The following CNTNAP2 variants were observed in gnomAD, a reference collection of about 807,000 sequenced individuals.
CNTNAP2 encodes contactin-associated protein-like 2.
In CNTNAP2, 98 loss-of-function variants were observed where a neutral mutation model predicts 155.2. That is an observed-to-expected ratio of 0.63 (90% CI 0.54 to 0.75). CNTNAP2 has a LOEUF of 0.75. CNTNAP2 is among the 30% of genes least tolerant of loss of function. The pLI, the probability that CNTNAP2 is intolerant of heterozygous loss-of-function variation, is 0.00. For missense variants in CNTNAP2, 1,727 were observed against 1,688.1 expected (o/e 1.02, Z -0.40); for synonymous variants, 651 against 631.2 (o/e 1.03, Z -0.47).
At chr7:146,176,411 C>T (rs183131269) in intron 1 of CNTNAP2, among the ~76,000 whole-genome samples, 1 of 152,230 alleles carries the variant, frequency 6.6e-6, no homozygotes, top group East Asian at 1.9e-4. Flanking sequence ...ATTTAGCTTT[C>T]AGAAGATCAA....
chr7:147,225,125 A>G (rs138241865), intron 8 of CNTNAP2, among the ~76,000 whole-genome samples: 1 of 152,282 alleles, frequency 6.6e-6, no homozygotes, highest in African/African-American at 2.4e-5. Context: ...TGTGTTTACC[A>G]TGTCCTAAGG....
intron 16 of CNTNAP2, among the ~76,000 whole-genome samples, chr7:148,141,296 A>G (rs1391667372): frequency 4.6e-5 from 7 of 152,262 alleles, no homozygotes; most frequent in African/African-American, 7.2e-5. Context: ...TGGGCAAGCC[A>G]TTAGTCCTCA....
chr7:146,534,591 A>G (rs1266269636), intron 1 of CNTNAP2, among the ~76,000 whole-genome samples: 1 of 152,100 alleles, frequency 6.6e-6, no homozygotes, highest in Non-Finnish European at 1.5e-5. Flanking sequence ...ACGGGGAAAT[A>G]AGAACAACAG....
chr7:147,124,250 A>G (rs1244410965), intron 6 of CNTNAP2, among the ~76,000 whole-genome samples: 1 of 152,174 alleles, frequency 6.6e-6, no homozygotes, highest in African/African-American at 2.4e-5. Context: ...AAAGGAAGAG[A>G]AAGCTCGTCT....
At chr7:147,472,204 C>CTTT (rs542047274) in intron 10 of CNTNAP2, among the ~76,000 whole-genome samples, 6 of 81,072 alleles carry the variant, frequency 7.4e-5, no homozygotes, top group Non-Finnish European at 1.4e-4. Flanking sequence ...TCTTTTTTTC[C>CTTT]TTTTTTTTTT....
Position 147,367,729 on chromosome 7 carries a change from C to G in CNTNAP2, c.1499-27880C>G, listed in dbSNP as rs190739167. 4.5e-4 allele frequency among the ~76,000 whole-genome samples: 68 copies of G among 152,138 alleles called. 1 individual carries two copies. The highest frequency in any genetic ancestry group is 1.6e-3 in the African/African-American group (66 of 41,514). On this transcript the variant is annotated intron_variant, in intron 9 of 23. Transcript: ENST00000361727. Reference sequence around the variant, plus strand: ...AGGACTGTGCCAGTTATCACACTTCCGGCTCCAGTTAAGAGAATGGTGGGC... The same window carrying G: ...AGGACTGTGCCAGTTATCACACTTCGGGCTCCAGTTAAGAGAATGGTGGGC...
At chr7:148,353,528 C>G (rs998437626) in intron 21 of CNTNAP2, among the ~76,000 whole-genome samples, 1 of 152,180 alleles carries the variant, frequency 6.6e-6, no homozygotes, top group African/African-American at 2.4e-5. Flanking sequence ...AAGCACAATG[C>G]TATCTTGGTC....
chr7:146,449,846 C>T (rs913692052), intron 1 of CNTNAP2, among the ~76,000 whole-genome samples: 4 of 152,058 alleles, frequency 2.6e-5, no homozygotes, highest in Non-Finnish European at 4.4e-5. Context: ...GATTGAGAGA[C>T]GGCACTATCC....
At chr7:147,154,991 A>C (rs1016148256) in intron 8 of CNTNAP2, among the ~76,000 whole-genome samples, 1 of 152,212 alleles carries the variant, frequency 6.6e-6, no homozygotes, top group African/African-American at 2.4e-5. Context: ...CTAAAAAGAC[A>C]TCGGCAGACT....
chr7:146,850,568 A>G (rs1458642189), intron 3 of CNTNAP2, among the ~76,000 whole-genome samples: 2 of 152,156 alleles, frequency 1.3e-5, no homozygotes, highest in African/African-American at 4.8e-5. Flanking sequence ...TATTTTTATG[A>G]TTAAGCCCTA....
intron 12 of CNTNAP2, among the ~76,000 whole-genome samples, chr7:147,590,965 A>G (rs1414642018): frequency 6.6e-6 from 1 of 152,160 alleles, no homozygotes; most frequent in East Asian, 1.9e-4. Flanking sequence ...GCATGCTGAT[A>G]TCTCTTCCCA....
intron 13 of CNTNAP2, among the ~76,000 whole-genome samples, chr7:147,876,856 AG>A (rs1441279541): frequency 3.3e-5 from 5 of 152,130 alleles, no homozygotes; most frequent in South Asian, 2.1e-4. Context: ...GGAACATTAG[AG>A]GGGGGTGTGC....
At chr7:147,425,244 G>T (rs16883381) in intron 10 of CNTNAP2, among the ~76,000 whole-genome samples, 2,391 of 131,726 alleles carry the variant, frequency 0.018, 63 homozygotes, top group African/African-American at 0.065. Flanking sequence ...TCTCCTTCTT[G>T]TTCCACACAA....
intron 13 of CNTNAP2, among the ~76,000 whole-genome samples, chr7:147,679,422 C>T (rs1795915442): frequency 6.6e-6 from 1 of 151,560 alleles, no homozygotes; most frequent in South Asian, 2.1e-4. Flanking sequence ...GGATTAAGAA[C>T]AAAAAAGTGT....
At chr7:147,188,007 G>A (rs7806806) in intron 8 of CNTNAP2, among the ~76,000 whole-genome samples, 12,532 of 152,182 alleles carry the variant, frequency 0.082, 537 homozygotes, top group Non-Finnish European at 0.1. Context: ...GTTGCAGTGA[G>A]CTGAGATTGT....
chr7:146,790,791 A>C (rs543416572), intron 2 of CNTNAP2, among the ~76,000 whole-genome samples: 1 of 151,406 alleles, frequency 6.6e-6, no homozygotes, highest in Non-Finnish European at 1.5e-5. Context: ...GGATGGTCTC[A>C]ATCTCCTGAC....
At chr7:146,494,289 G>A (rs1393934049) in intron 1 of CNTNAP2, among the ~76,000 whole-genome samples, 4 of 151,760 alleles carry the variant, frequency 2.6e-5, no homozygotes, top group South Asian at 2.1e-4. Context: ...AGCAGAGATC[G>A]CACCACTGCA....
intron 4 of CNTNAP2, among the ~76,000 whole-genome samples, chr7:147,058,049 T>C (rs1799596185): frequency 6.6e-6 from 1 of 152,186 alleles, no homozygotes; most frequent in Admixed American, 6.5e-5. Context: ...TTACACAACA[T>C]TACTTCTAAA....
chr7:147,082,311 C>T (rs1214240065), intron 4 of CNTNAP2, among the ~76,000 whole-genome samples: 12 of 152,316 alleles, frequency 7.9e-5, no homozygotes, highest in African/African-American at 2.6e-4. Flanking sequence ...CCTTTTATCG[C>T]TGCCTCTTTG....
Sources: allele counts gnomAD v4.1 joint callset (sites outside exome capture counted in the v4.1 genomes callset), GRCh38; gene constraint gnomAD v4.1.1; transcripts MANE v1.5; gene names NCBI Gene and HGNC (gene_info 2026-07-23, HGNC 2026-07-21).